The following NTM variants were observed in gnomAD, a reference collection of about 807,000 sequenced individuals.
NTM encodes the protein IgLON family member 2.
In NTM, 13 loss-of-function variants were observed where a neutral mutation model predicts 42.1. That is an observed-to-expected ratio of 0.31 (90% CI 0.20 to 0.49). The LOEUF (loss-of-function observed/expected upper bound fraction) is 0.49. Ranked by LOEUF, NTM falls within the 20% of genes least tolerant of loss-of-function variation. NTM has a pLI of 0.99. For synonymous variants in NTM, 187 were observed against 179.2 expected, an observed-to-expected ratio of 1.04 and a Z score of -0.35; for missense variants, 373 against 452.8, an observed-to-expected ratio of 0.82 and a Z score of 1.60.
intron 2 of NTM, among the ~76,000 whole-genome samples, chr11:131,938,846 T>C (rs1555185043): frequency 1.3e-5 from 2 of 152,166 alleles, no homozygotes; most frequent in Non-Finnish European, 2.9e-5. Flanking sequence ...CAGGATGACT[T>C]CCAAGAGCTG....
chr11:131,701,519 C>A (rs1255427011), intron 1 of NTM, among the ~76,000 whole-genome samples: 1 of 152,250 alleles, frequency 6.6e-6, no homozygotes, highest in East Asian at 1.9e-4. Context: ...TTGCCAGGAG[C>A]TACAGGATCC....
chr11:131,577,005 G>A (rs1056034042), intron 1 of NTM, among the ~76,000 whole-genome samples: 1 of 152,210 alleles, frequency 6.6e-6, no homozygotes, highest in African/African-American at 2.4e-5. Flanking sequence ...TGGATACTAA[G>A]ATAAAGTCAT....
At position 131,508,220 on chromosome 11, in the gene NTM, C is replaced by T. The variant is rs1309097502; in HGVS notation, c.82+137332C>T. Among the ~76,000 whole-genome samples the T allele has an allele frequency of 8.3e-5, 12 of 145,412 alleles. 1 individual carries two copies. The highest frequency in any genetic ancestry group is 2.7e-4 in the African/African-American group (10 of 37,240). ...ACAAACAACCCCATCAAAAAGTGGG[C>T]GAAGGACATGAACAGACACTTCTCA... is the stretch of plus-strand genomic sequence containing the variant. On this transcript the variant is annotated intron_variant, in intron 1 of 8. Coordinates refer to ENST00000683400, the MANE Select transcript of NTM (RefSeq NM_001352005.2).
intron 1 of NTM, among the ~76,000 whole-genome samples, chr11:131,886,381 G>C (rs551874670): frequency 1.1e-3 from 170 of 152,310 alleles, no homozygotes; most frequent in African/African-American, 3.7e-3. Flanking sequence ...GCCCAGGCAG[G>C]CTGTGGAGGA....
At chr11:132,014,130 G>GATAT (rs2072877148) in intron 2 of NTM, among the ~76,000 whole-genome samples, 1 of 151,970 alleles carries the variant, frequency 6.6e-6, no homozygotes, top group African/African-American at 2.4e-5. Flanking sequence ...CCACATATGT[G>GATAT]TGAGAACCTG....
rs184031216 is a variant in NTM, at chr11:132,073,871, C to T, written c.168-72411C>T. On this transcript the variant is annotated intron_variant, in intron 2 of 8. Coordinates refer to ENST00000683400, the MANE Select transcript of NTM (RefSeq NM_001352005.2). Reference sequence around the variant, plus strand: ...GCCACAAACCTGTTTGGGGTTTGCTCCACCATAAGTCAACACATGCACATG... The same window carrying T: ...GCCACAAACCTGTTTGGGGTTTGCTTCACCATAAGTCAACACATGCACATG... Among the ~76,000 whole-genome samples, 60 of 152,248 alleles carry T rather than the reference C, an allele frequency of 3.9e-4. No individual in the cohort carries two copies. In the East Asian group the frequency reaches 0.011, roughly 28 times the overall value.
rs539597970 is a variant in NTM, at chr11:131,424,874, T to A, written c.82+53986T>A. Among the ~76,000 whole-genome samples, 60 of 144,920 alleles carry A rather than the reference T, an allele frequency of 4.1e-4. 1 individual carries two copies. The highest frequency in any genetic ancestry group is 4.0e-3 in the Admixed American group (58 of 14,506). On this transcript the variant is annotated intron_variant, in intron 1 of 8. Transcript: ENST00000683400. ...GTGAGCCACCACGCCCAGCTTTTTT[T>A]TTTTTTATTTTTTTATTTTTTTTGA...
chr11:132,066,980 G>T (rs527255366), intron 2 of NTM, among the ~76,000 whole-genome samples: 2 of 151,950 alleles, frequency 1.3e-5, no homozygotes, highest in African/African-American at 4.8e-5. Context: ...TTTGAGACAG[G>T]GTCTTGCTCT....
intron 3 of NTM, among the ~76,000 whole-genome samples, chr11:132,184,515 C>A (rs973328654): frequency 5.9e-5 from 9 of 152,088 alleles, no homozygotes; most frequent in Admixed American, 2.6e-4. Flanking sequence ...TTTCTTGAGG[C>A]AGGACACAGG....
intron 1 of NTM, among the ~76,000 whole-genome samples, chr11:131,584,407 G>T (rs2058678277): frequency 6.6e-6 from 1 of 152,168 alleles, no homozygotes; most frequent in Non-Finnish European, 1.5e-5. Context: ...CCTTCTTGGT[G>T]GAGGCAGGGG....
intron 4 of NTM, among the ~76,000 whole-genome samples, chr11:132,270,652 T>A (rs901996438): frequency 2.4e-4 from 33 of 139,254 alleles, no homozygotes; most frequent in Non-Finnish European, 3.9e-4. Context: ...AATTTATTTT[T>A]ATTTTTTTTT....
intron 1 of NTM, chr11:131,660,214 G>T: frequency 3.5e-6 from 1 of 288,676 alleles, no homozygotes; most frequent in Non-Finnish European, 7.1e-6. Flanking sequence ...ATCATGTATT[G>T]AGGCAGGGGA....
intron 2 of NTM, among the ~76,000 whole-genome samples, chr11:132,015,726 C>G (rs1427494753): frequency 1.3e-5 from 2 of 150,856 alleles, no homozygotes; most frequent in African/African-American, 4.9e-5. Context: ...TAGTGCATTC[C>G]TGGTGTATAG....
At chr11:131,917,821 G>A (rs2056637141) in intron 2 of NTM, among the ~76,000 whole-genome samples, 1 of 152,226 alleles carries the variant, frequency 6.6e-6, no homozygotes, top group Admixed American at 6.5e-5. Context: ...TGAGGAGCAG[G>A]CACAGATGGG....
chr11:131,918,777 G>C (rs999037585), intron 2 of NTM, among the ~76,000 whole-genome samples: 1 of 152,188 alleles, frequency 6.6e-6, no homozygotes, highest in African/African-American at 2.4e-5. Context: ...GGGCCTGGGA[G>C]TGTTTAAGGT....
chr11:131,988,159 A>G (rs1476587320), intron 2 of NTM, among the ~76,000 whole-genome samples: 1 of 152,198 alleles, frequency 6.6e-6, no homozygotes, highest in Non-Finnish European at 1.5e-5. Context: ...GAGCTCTTTT[A>G]TAAGGACACT....
intron 2 of NTM, among the ~76,000 whole-genome samples, chr11:131,964,623 C>T (rs904764841): frequency 2.6e-5 from 4 of 152,158 alleles, no homozygotes; most frequent in Non-Finnish European, 4.4e-5. Context: ...TGAATAGCTT[C>T]TTTGATGGTC....
At chr11:131,436,164 T>G (rs1269536045) in intron 1 of NTM, among the ~76,000 whole-genome samples, 1 of 152,216 alleles carries the variant, frequency 6.6e-6, no homozygotes, top group Non-Finnish European at 1.5e-5. Flanking sequence ...ATAAGCTTTT[T>G]GATGTGCTGC....
At chr11:132,316,155 G>A (rs957605847) in intron 7 of NTM, among the ~76,000 whole-genome samples, 10 of 147,432 alleles carry the variant, frequency 6.8e-5, no homozygotes, top group African/African-American at 2.5e-4. Context: ...TCCTGACTTG[G>A]TTGCATGAAA....
Sources: gnomAD v4.1 joint callset for allele counts (sites outside exome capture counted in the v4.1 genomes callset) on GRCh38, gnomAD v4.1.1 for gene constraint, MANE v1.5 for transcripts, NCBI Gene and HGNC (gene_info 2026-07-23, HGNC 2026-07-21) for gene names.